The following CECR2 variants were observed in gnomAD, a reference collection of about 807,000 sequenced individuals.
CECR2 encodes CECR2 histone acetyl-lysine reader.
CECR2 carries 30 observed loss-of-function variants against 154.5 expected under a neutral mutation model. The observed-to-expected ratio is 0.19, with a 90% confidence interval of 0.15 to 0.26. The LOEUF (loss-of-function observed/expected upper bound fraction) is 0.26. Among genes scored for constraint, CECR2 ranks in the 10% least tolerant of loss-of-function variants. The pLI, the probability that CECR2 is intolerant of heterozygous loss-of-function variation, is 1.00. For synonymous variants in CECR2, 725 were observed against 683.7 expected, an observed-to-expected ratio of 1.06 and a Z score of -0.94; for missense variants, 1,743 against 1,829.3, an observed-to-expected ratio of 0.95 and a Z score of 0.86.
intron 16 of CECR2, among the ~76,000 whole-genome samples, chr22:17,547,867 T>TA (rs1263990221): frequency 1.3e-5 from 2 of 152,172 alleles, no homozygotes; most frequent in African/African-American, 2.4e-5. Context: ...CTCAGCCTCT[T>TA]ACGAATCGGG....
At chr22:17,443,077 G>A (rs1157387504) in intron 1 of CECR2, among the ~76,000 whole-genome samples, 1 of 152,140 alleles carries the variant, frequency 6.6e-6, no homozygotes, top group Non-Finnish European at 1.5e-5. Flanking sequence ...GTATGTCCTG[G>A]TGTGTTTCTT....
At chr22:17,490,190 A>G (rs1361591698) in intron 2 of CECR2, among the ~76,000 whole-genome samples, 4 of 151,330 alleles carry the variant, frequency 2.6e-5, no homozygotes, top group Non-Finnish European at 5.9e-5. Flanking sequence ...ATGAGAAGCC[A>G]GTATTAAAAT....
intron 1 of CECR2, among the ~76,000 whole-genome samples, chr22:17,386,841 G>A (rs1285019539): frequency 2.0e-5 from 3 of 152,052 alleles, no homozygotes; most frequent in South Asian, 4.1e-4. Context: ...AGTAGAGACA[G>A]GGTTTCATCA....
chr22:17,501,394 T>C (rs550887870), intron 5 of CECR2, among the ~76,000 whole-genome samples: 67 of 152,178 alleles, frequency 4.4e-4, no homozygotes, highest in African/African-American at 1.6e-3. Context: ...CCGTCTCTAC[T>C]AAAAATACAA....
upstream of CECR2, among the ~76,000 whole-genome samples, chr22:17,366,580 G>A (rs1297378769): frequency 6.6e-6 from 1 of 152,156 alleles, no homozygotes; most frequent in Non-Finnish European, 1.5e-5. Context: ...CGAATCAAAG[G>A]GAGAAGGGAA....
rs111467127 is a variant in CECR2 at position 17,388,053 on chromosome 22, C to A, written c.126+18144C>A. On this transcript the variant is annotated intron_variant, in intron 1 of 18. Coordinates refer to ENST00000262608, the MANE Select transcript of CECR2 (RefSeq NM_001290047.2). ...CGCTGTAACCTCTGCCTCCCAGGTT[C>A]AAGTAATTCTCCTGCTTCAGCCTCC... 7.0e-3 allele frequency among the ~76,000 whole-genome samples: 1,060 copies of A among 152,052 alleles called. 15 individuals are homozygous for A. Among genetic ancestry groups the A allele is most frequent in the African/African-American group, 0.025 (1,019 of 41,474 alleles).
intron 7 of CECR2, among the ~76,000 whole-genome samples, chr22:17,510,951 C>G (rs563924695): frequency 6.6e-6 from 1 of 152,266 alleles, no homozygotes; most frequent in African/African-American, 2.4e-5. Flanking sequence ...AAATGTACCC[C>G]CGTGGCTTTG....
At chr22:17,465,157 C>T (rs1002442049) in intron 1 of CECR2, among the ~76,000 whole-genome samples, 30 of 151,114 alleles carry the variant, frequency 2.0e-4, no homozygotes, top group Admixed American at 7.9e-4. Flanking sequence ...CCACCACGCC[C>T]GGCTAAGTTT....
At chr22:17,381,287 G>GC (rs1056614789) in intron 1 of CECR2, among the ~76,000 whole-genome samples, 8 of 152,140 alleles carry the variant, frequency 5.3e-5, no homozygotes, top group African/African-American at 1.7e-4. Flanking sequence ...TGTTAAAGCA[G>GC]CCCCCCAGCC....
chr22:17,398,800 G>A (rs2053850633), intron 1 of CECR2, among the ~76,000 whole-genome samples: 1 of 152,176 alleles, frequency 6.6e-6, no homozygotes, highest in Admixed American at 6.5e-5. Flanking sequence ...GCCAAGGATG[G>A]TTAATACAGA....
chr22:17,489,940 C>T (rs1477063087), intron 2 of CECR2, among the ~76,000 whole-genome samples: 2 of 150,218 alleles, frequency 1.3e-5, no homozygotes, highest in East Asian at 3.9e-4. Context: ...AAAAAACAGG[C>T]ATTTAAAGCT....
intron 16 of CECR2, among the ~76,000 whole-genome samples, chr22:17,545,264 A>G (rs1437694989): frequency 6.7e-6 from 1 of 149,970 alleles, no homozygotes; most frequent in Non-Finnish European, 1.5e-5. Flanking sequence ...AAGTTCAGCT[A>G]CTTGGGAGGC....
upstream of CECR2, among the ~76,000 whole-genome samples, chr22:17,366,149 C>T (rs918281835): frequency 2.0e-5 from 3 of 152,024 alleles, no homozygotes; most frequent in African/African-American, 7.2e-5. Flanking sequence ...AAACAGAAAA[C>T]AGCACGAATG....
intron 1 of CECR2, among the ~76,000 whole-genome samples, chr22:17,362,386 T>C (rs1480788735): frequency 6.6e-6 from 1 of 152,156 alleles, no homozygotes; most frequent in Non-Finnish European, 1.5e-5. Context: ...GTACTGATTA[T>C]TTAGGTTACT....
intron 1 of CECR2, chr22:17,476,978 A>G: frequency 1.8e-6 from 1 of 566,192 alleles, no homozygotes; most frequent in South Asian, 2.4e-5. Flanking sequence ...AGACATTCAC[A>G]GAGACGTTAC....
upstream of CECR2, among the ~76,000 whole-genome samples, chr22:17,364,715 G>T (rs1486356908): frequency 2.0e-5 from 3 of 152,020 alleles, no homozygotes; most frequent in Non-Finnish European, 4.4e-5. Flanking sequence ...GTGGTGCCAC[G>T]CACCTATAGG....
At chr22:17,368,982 A>C (rs2063021226), upstream of CECR2, among the ~76,000 whole-genome samples, 1 of 152,086 alleles carries the variant, frequency 6.6e-6, no homozygotes, top group South Asian at 2.1e-4. Context: ...AACAGGTGGA[A>C]AGCACTTCAC....
At chr22:17,437,145 T>A (rs2054518304) in intron 1 of CECR2, among the ~76,000 whole-genome samples, 1 of 152,104 alleles carries the variant, frequency 6.6e-6, no homozygotes, top group Non-Finnish European at 1.5e-5. Context: ...TGCTCGAGTG[T>A]TAGTGCCATT....
At chr22:17,501,981 A>T (rs937769555) in intron 5 of CECR2, among the ~76,000 whole-genome samples, 8 of 152,206 alleles carry the variant, frequency 5.3e-5, no homozygotes, top group Non-Finnish European at 1.0e-4. Context: ...CACGTTTCAG[A>T]TGCTCAGCAG....
Sources: allele counts gnomAD v4.1 joint callset (sites outside exome capture counted in the v4.1 genomes callset), GRCh38; gene constraint gnomAD v4.1.1; transcripts MANE v1.5; gene names NCBI Gene and HGNC (gene_info 2026-07-23, HGNC 2026-07-21).